DNAJC10: variants seen among roughly 807,000 people sequenced by gnomAD.
DNAJC10 encodes endoplasmic reticulum disulfide reductase DNAJC10.
DNAJC10 carries 101 observed loss-of-function variants against 115.0 expected under a neutral mutation model. The observed-to-expected ratio is 0.88, with a 90% CI of 0.75 to 1.04. DNAJC10 has a LOEUF of 1.04. Among genes scored for constraint, DNAJC10 ranks in the 50% least tolerant of loss-of-function variants. The pLI is 0.00. For missense variants in DNAJC10, 981 were observed against 928.8 expected (o/e 1.06, Z -0.73); for synonymous variants, 307 against 301.5 (o/e 1.02, Z -0.19).
At position 182,780,021 on chromosome 2, in the gene DNAJC10, CAA is replaced by C. The variant is rs777652337; in HGVS notation, c.*2892_*2893del. 5.9e-5 allele frequency: 9 copies of C among 152,042 alleles called. No homozygotes were observed. The highest frequency in any genetic ancestry group is 1.2e-4 in the Non-Finnish European group (8 of 68,000). The allele number at this position is 152,042 out of a possible 1,614,324, so 9.4% of individuals were successfully genotyped here. The stretch of plus-strand genomic sequence containing the variant: ...AAGAAATAATAAAAGATTAAATTAA[CAA>C]AATGCATTTTAAATTTTTATGATAC... On this transcript the variant is annotated 3_prime_UTR_variant, in exon 24 of 24. Transcript: ENST00000264065.
intron 18 of DNAJC10, among the ~76,000 whole-genome samples, chr2:182,756,732 G>A (rs1322315229): frequency 3.3e-5 from 5 of 151,872 alleles, no homozygotes; most frequent in African/African-American, 7.3e-5. Flanking sequence ...GTGCAGTGGC[G>A]CAATCTCGGC....
intron 5 of DNAJC10, among the ~76,000 whole-genome samples, chr2:182,725,752 A>G (rs763721801): frequency 5.9e-5 from 9 of 152,308 alleles, no homozygotes; most frequent in South Asian, 2.1e-4. Context: ...AAGTCCCGAC[A>G]TAGAAGCTGC....
At chr2:182,756,193 A>AT in intron 17 of DNAJC10, 121 bp from the exon 18 acceptor site, 1 of 846,538 alleles carries the variant, frequency 1.2e-6, no homozygotes, top group South Asian at 2.9e-5. Context: ...AAAATTCAAA[A>AT]TTCTCAATAC....
At position 182,784,997 on chromosome 2, in the gene DNAJC10, A is replaced by T. The variant is rs569824009; in HGVS notation, c.*7865A>T. The T allele has an allele frequency of 2.6e-5, 4 of 152,348 alleles. No individual in the cohort carries two copies. Among genetic ancestry groups the T allele is most frequent in the Non-Finnish European group, 5.9e-5 (4 of 68,018 alleles). The allele number at this position is 152,348 out of a possible 1,614,324, so 9.4% of individuals were successfully genotyped here. Reference sequence around the variant, plus strand: ...GCTGGCCTTTGTGTTTTCACTAAAAATATCCTGAATTATCAGTCAGTTATG... The same window carrying T: ...GCTGGCCTTTGTGTTTTCACTAAAATTATCCTGAATTATCAGTCAGTTATG... On this transcript the variant is annotated 3_prime_UTR_variant, in exon 24 of 24. Coordinates refer to ENST00000264065, the MANE Select transcript of DNAJC10 (RefSeq NM_018981.4).
intron 10 of DNAJC10, among the ~76,000 whole-genome samples, chr2:182,733,250 C>A (rs1693496935): frequency 6.6e-6 from 1 of 151,768 alleles, no homozygotes; most frequent in African/African-American, 2.4e-5. Context: ...ATCATTATAT[C>A]CTTTGGCGGC....
In DNAJC10 at chr2:182,782,926, C is replaced by G. The variant is rs1694880686; in HGVS notation, c.*5794C>G. 1 of 152,164 alleles carries G rather than the reference C, an allele frequency of 6.6e-6. No homozygotes were observed. The highest frequency in any genetic ancestry group is 2.1e-4 in the South Asian group (1 of 4,830). 9.4% of individuals were successfully genotyped at this position (152,164 alleles called of 1,614,324 possible). On this transcript the variant is annotated 3_prime_UTR_variant, in exon 24 of 24. Transcript: ENST00000264065. ...CGCTTTCTTTCTCTTGCCTGATTGT[C>G]CTGGCCAGAACTTCCAGTACATAGG...
In DNAJC10 at chr2:182,739,964, G is replaced by A. The variant is rs1024691471; in HGVS notation, c.988-335G>A. 3 of 994,720 alleles carry A rather than the reference G, an allele frequency of 3.0e-6. No individual in the cohort carries two copies. In the African/African-American group the frequency reaches 5.2e-5, roughly 17 times the overall value. The allele number at this position is 994,720 out of a possible 1,614,324, so 61.6% of individuals were successfully genotyped here. A position where few individuals can be genotyped will look rare whatever the true frequency, so the allele number is the denominator to read the frequency against. ...GCATTAAAATTAAGCTAAAGATAAT[G>A]TGGTTTTTCTTGATGATTGGGAGGT... On this transcript the variant is annotated intron_variant, in intron 11 of 23. Coordinates refer to ENST00000264065, the MANE Select transcript of DNAJC10 (RefSeq NM_018981.4).
intron 10 of DNAJC10, among the ~76,000 whole-genome samples, chr2:182,734,444 T>A (rs1283982403): frequency 6.6e-6 from 1 of 151,760 alleles, no homozygotes; most frequent in Non-Finnish European, 1.5e-5. Flanking sequence ...ATAATGAACA[T>A]GGAATCAGTT....
chr2:182,794,449 G>A lies in DNAJC10; in HGVS notation c.*17317G>A, dbSNP rs1695108537. ...TAACATGTAGAAGTGAAATAAACTT[G>A]TCACAAAAATGCAAATTGTGTCACC... On this transcript the variant is annotated 3_prime_UTR_variant, in exon 24 of 24. Coordinates refer to ENST00000264065, the MANE Select transcript of DNAJC10 (RefSeq NM_018981.4). 1 of 151,726 alleles carries A rather than the reference G, an allele frequency of 6.6e-6. No individual in the cohort carries two copies. Among genetic ancestry groups the A allele is most frequent in the African/African-American group, 2.4e-5 (1 of 41,086 alleles). 9.4% of individuals were successfully genotyped at this position (151,726 alleles called of 1,614,324 possible).
chr2:182,773,249 C>G (rs1478736158), intron 22 of DNAJC10, among the ~76,000 whole-genome samples: 6 of 152,182 alleles, frequency 3.9e-5, no homozygotes, highest in Non-Finnish European at 4.4e-5. Context: ...ACCTTTCTCT[C>G]TGCCTGCCCT....
chr2:182,717,296 T>A (rs1017430656), intron 2 of DNAJC10, among the ~76,000 whole-genome samples: 2 of 152,182 alleles, frequency 1.3e-5, no homozygotes, highest in African/African-American at 4.8e-5. Context: ...ACACCAAACA[T>A]GAACTTTGCA....
intron 23 of DNAJC10, among the ~76,000 whole-genome samples, chr2:182,776,327 T>C (rs1398989968): frequency 6.6e-6 from 1 of 152,220 alleles, no homozygotes; most frequent in Non-Finnish European, 1.5e-5. Flanking sequence ...TTTGAATCTT[T>C]AATCTGTCAA....
At position 182,779,674 on chromosome 2, in the gene DNAJC10, A is replaced by G. The variant is rs543155219; in HGVS notation, c.*2542A>G. 1 of 152,196 alleles carries G rather than the reference A, an allele frequency of 6.6e-6. No homozygotes were observed. The highest frequency in any genetic ancestry group is 2.4e-5 in the African/African-American group (1 of 41,456). The allele number at this position is 152,196 out of a possible 1,614,324, so 9.4% of individuals were successfully genotyped here. On this transcript the variant is annotated 3_prime_UTR_variant, in exon 24 of 24. Transcript: ENST00000264065. ...TTTCATAGCTTTTTTATTTAAAGGTATATGATTAAGATAAAGGAAAAGTAA... is the reference window on the plus strand; with the variant it reads ...TTTCATAGCTTTTTTATTTAAAGGTGTATGATTAAGATAAAGGAAAAGTAA...
chr2:182,727,225 G>A (rs1693310748), intron 5 of DNAJC10, among the ~76,000 whole-genome samples: 1 of 152,030 alleles, frequency 6.6e-6, no homozygotes, highest in South Asian at 2.1e-4. Context: ...CCTGTTACCA[G>A]GGTAGGAGAC....
chr2:182,728,892 G>T lies in DNAJC10; in HGVS notation c.531G>T (p.Gly177=), dbSNP rs184116987. The T allele has an allele frequency of 6.2e-7, 1 of 1,613,942 alleles. No individual in the cohort carries two copies. Among genetic ancestry groups the T allele is most frequent in the African/African-American group, 1.3e-5 (1 of 74,918 alleles). The change falls in exon 7 of 24, where the codon GGG becomes GGT. Residue 177 remains glycine, a synonymous_variant. Coordinates refer to ENST00000264065, the MANE Select transcript of DNAJC10 (RefSeq NM_018981.4). ...TWRDFAKEVD[G]LLRIGAVNCG... is the part of the protein sequence containing the mutation. The stretch of plus-strand genomic sequence containing the variant: ...GAGACTTTGCTAAAGAAGTGGATGG[G>T]TTACTTCGAATTGGAGCTGTTAACT...
chr2:182,757,880 T>A, intron 19 of DNAJC10, 55 bp downstream of exon 19: 1 of 1,051,106 alleles, frequency 9.5e-7, no homozygotes, highest in Non-Finnish European at 1.3e-6. Context: ...ATTATACACT[T>A]AACAGTTAAG....
intron 22 of DNAJC10, among the ~76,000 whole-genome samples, chr2:182,772,317 T>TGTG (rs1358666111): frequency 2.0e-5 from 3 of 152,198 alleles, no homozygotes. Flanking sequence ...TGGAGAGTTC[T>TGTG]GTGGTTGTCT....
rs138226392 is a variant in DNAJC10, at chr2:182,750,479, G to T, written c.1307-1179G>T. 3.3e-3 allele frequency among the ~76,000 whole-genome samples: 499 copies of T among 152,266 alleles called. 1 individual carries two copies. The highest frequency in any genetic ancestry group is 5.8e-3 in the Admixed American group (88 of 15,286). On this transcript the variant is annotated intron_variant, in intron 14 of 23. Transcript: ENST00000264065. Reference sequence around the variant, plus strand: ...GCCAAGATAAGGTTGGTGAGAAAAGGAGCAGGTTTGGAGGAAAATAACACA... The same window carrying T: ...GCCAAGATAAGGTTGGTGAGAAAAGTAGCAGGTTTGGAGGAAAATAACACA...
At chr2:182,768,220 G>A (rs1489621233) in intron 22 of DNAJC10, among the ~76,000 whole-genome samples, 1 of 151,980 alleles carries the variant, frequency 6.6e-6, no homozygotes, top group African/African-American at 2.4e-5. Context: ...GAGGTGAGAG[G>A]CAGCTTATAT....
Sources: gnomAD v4.1 joint callset for allele counts (sites outside exome capture counted in the v4.1 genomes callset) on GRCh38, gnomAD v4.1.1 for gene constraint, MANE v1.5 for transcripts, NCBI Gene and HGNC (gene_info 2026-07-23, HGNC 2026-07-21) for gene names.